Variants in TM9SF4 observed in about 807,000 individuals in gnomAD.
TM9SF4 encodes dinucleotide oxidase disulfide thiol exchanger 3 superfamily member 4.
Under a neutral mutation model 90.4 loss-of-function variants are expected in TM9SF4, and 26 were observed. The observed-to-expected ratio is 0.29, with a 90% CI of 0.21 to 0.40. The LOEUF (loss-of-function observed/expected upper bound fraction) is 0.40, where lower values mean the gene tolerates loss of function less well. Ranked by LOEUF, TM9SF4 falls within the 10% of genes least tolerant of loss-of-function variation. TM9SF4 has a pLI of 1.00. For synonymous variants in TM9SF4, 293 were observed against 315.4 expected (o/e 0.93, Z 0.75); for missense variants, 549 against 834.8 (o/e 0.66, Z 4.22).
intron 5 of TM9SF4, 93 bp from the exon 6 acceptor site, chr20:32,142,889 C>T: frequency 6.5e-7 from 1 of 1,529,378 alleles, no homozygotes; most frequent in South Asian, 1.2e-5. Flanking sequence ...AAGGTTGGTA[C>T]AACCAGGCAT....
intron 1 of TM9SF4, among the ~76,000 whole-genome samples, chr20:32,116,862 C>CTT (rs201365030): frequency 1.1e-3 from 102 of 95,872 alleles, no homozygotes; most frequent in African/African-American, 2.9e-3. Flanking sequence ...TTTCCTTTTT[C>CTT]TTTTTTTTTT....
At chr20:32,134,364 A>G (rs2046565077) in intron 2 of TM9SF4, among the ~76,000 whole-genome samples, 1 of 152,170 alleles carries the variant, frequency 6.6e-6, no homozygotes, top group Non-Finnish European at 1.5e-5. Context: ...AAGAAACACA[A>G]AATTGTTAAA....
intron 1 of TM9SF4, among the ~76,000 whole-genome samples, chr20:32,115,718 ATTTT>A (rs1419779780): frequency 8.9e-5 from 13 of 145,712 alleles, no homozygotes; most frequent in African/African-American, 3.1e-4. Context: ...TGGTTATGTG[ATTTT>A]GGGAAAACCG....
chr20:32,149,989 A>G (rs1401275776), intron 10 of TM9SF4, among the ~76,000 whole-genome samples: 1 of 152,120 alleles, frequency 6.6e-6, no homozygotes, highest in Non-Finnish European at 1.5e-5. Flanking sequence ...AGAGCCCACC[A>G]TGTCTCCTCC....
intron 17 of TM9SF4, among the ~76,000 whole-genome samples, chr20:32,164,197 T>G (rs899791625): frequency 9.5e-6 from 1 of 105,064 alleles, no homozygotes. Context: ...CCCCCACCCC[T>G]CCCCCGACCA....
intron 1 of TM9SF4, among the ~76,000 whole-genome samples, chr20:32,120,396 T>G (rs2046286453): frequency 4.9e-5 from 1 of 20,324 alleles, no homozygotes; most frequent in Non-Finnish European, 9.9e-5. Flanking sequence ...AAGTGGTGCG[T>G]TTTTTTTTTT....
intron 2 of TM9SF4, among the ~76,000 whole-genome samples, chr20:32,134,828 A>G (rs1458544174): frequency 2.6e-5 from 4 of 152,042 alleles, no homozygotes. Flanking sequence ...GCACACCACC[A>G]TGCCCAGCCG....
In TM9SF4 at chr20:32,123,866, A is replaced by ATATATATATTTTTTTTTTTTTT; in HGVS notation, c.16-9146_16-9145insATATATATTTTTTTTTTTTTTT. On this transcript the variant is annotated intron_variant, in intron 1 of 17. Coordinates refer to ENST00000398022, the MANE Select transcript of TM9SF4 (RefSeq NM_014742.4). ...CTCTCATATATATATATATATATAT[A>ATATATATATTTTTTTTTTTTTT]TTTTTTTTTTTAAAGAGATAGGGTC... Among the ~76,000 whole-genome samples the ATATATATATTTTTTTTTTTTTT allele has an allele frequency of 3.0e-4, 28 of 93,938 alleles. 1 individual carries two copies. Among genetic ancestry groups the ATATATATATTTTTTTTTTTTTT allele is most frequent in the African/African-American group, 1.2e-3 (27 of 21,966 alleles). The allele number at this position is 93,938 out of a possible 152,430, so 61.6% of individuals were successfully genotyped here. A position where few individuals can be genotyped will look rare whatever the true frequency, so the allele number is the denominator to read the frequency against.
chr20:32,157,234 T>TG (rs1158009410), intron 13 of TM9SF4, among the ~76,000 whole-genome samples: 1 of 152,196 alleles, frequency 6.6e-6, no homozygotes, highest in Non-Finnish European at 1.5e-5. Context: ...ATTACAGGCA[T>TG]GAGCCACTGC....
intron 5 of TM9SF4, 94 bp downstream of exon 5, chr20:32,141,989 C>T (rs2122408407): frequency 6.4e-7 from 1 of 1,565,026 alleles, no homozygotes; most frequent in Non-Finnish European, 8.7e-7. Flanking sequence ...TCGGCCACAG[C>T]AAGTTTCTCC....
intron 6 of TM9SF4, among the ~76,000 whole-genome samples, chr20:32,143,953 T>C (rs964260210): frequency 5.3e-5 from 8 of 151,984 alleles, no homozygotes; most frequent in African/African-American, 1.9e-4. Flanking sequence ...TTTATCTTTT[T>C]TTTTCCCCCC....
intron 1 of TM9SF4, among the ~76,000 whole-genome samples, chr20:32,125,899 G>A (rs1312093088): frequency 6.6e-6 from 1 of 151,594 alleles, no homozygotes; most frequent in African/African-American, 2.4e-5. Flanking sequence ...CAAACTCCTG[G>A]GCTCAAGCAA....
rs1600779038 is a variant in TM9SF4, at chr20:32,119,971, G to A, written c.15+10216G>A. 2.0e-5 allele frequency among the ~76,000 whole-genome samples: 3 copies of A among 152,254 alleles called. No homozygotes were observed. The East Asian group carries it at 5.8e-4, about 29-fold the overall frequency. ...TGTTGAAAATCAATTTAGTATAAATGTAAAGATTTATTTATAGACTTTTAA... is the reference window on the plus strand; with the variant it reads ...TGTTGAAAATCAATTTAGTATAAATATAAAGATTTATTTATAGACTTTTAA... On this transcript the variant is annotated intron_variant, in intron 1 of 17. Coordinates refer to ENST00000398022, the MANE Select transcript of TM9SF4 (RefSeq NM_014742.4).
chr20:32,129,300 C>G (rs1356941793), intron 1 of TM9SF4, among the ~76,000 whole-genome samples: 1 of 151,984 alleles, frequency 6.6e-6, no homozygotes, highest in African/African-American at 2.4e-5. Flanking sequence ...TGGGACCAGC[C>G]TGGGTAATAT....
rs34787841 is a variant in TM9SF4 at position 32,155,123 on chromosome 20, T to C, written c.1266T>C (p.Gly422=). 1.6e-3 allele frequency: 2,634 copies of C among 1,614,174 alleles called. 47 individuals carry two copies. In the African/African-American group the frequency reaches 0.031, roughly 19 times the overall value. The change falls in exon 13 of 18, where the codon GGT becomes GGC. Residue 422 remains glycine (G), a synonymous_variant. Transcript: ENST00000398022. The part of the protein sequence containing the change: ...GAFCTATLYP[G]VVFGICFVLN... Reference sequence around the variant, plus strand: ...TCCAGACGGCAACTCTGTACCCTGGTGTGGTTTTTGGCATCTGCTTCGTAT... The same window carrying C: ...TCCAGACGGCAACTCTGTACCCTGGCGTGGTTTTTGGCATCTGCTTCGTAT...
chr20:32,112,702 A>AC (rs576488740), intron 1 of TM9SF4, among the ~76,000 whole-genome samples: 5 of 151,348 alleles, frequency 3.3e-5, no homozygotes, highest in East Asian at 3.9e-4. Flanking sequence ...TCAAAAAAAA[A>AC]AAAAAAACAA....
At chr20:32,142,861 T>G (rs2122411566) in intron 5 of TM9SF4, 121 bp from the exon 6 acceptor site, 419 of 1,333,938 alleles carry the variant, frequency 3.1e-4, no homozygotes, top group Middle Eastern at 8.1e-4. Flanking sequence ...AGGGGAGTGA[T>G]GAGAACAGTG....
Position 32,139,478 on chromosome 20 carries a change from C to G in TM9SF4, c.230-2019C>G, listed in dbSNP as rs1028109058. The stretch of plus-strand genomic sequence containing the variant: ...TCCTTGGAGCTCCTGAATCTGTGTA[C>G]TCTTCTCTACCCTCACCAGCACCTG... On this transcript the variant is annotated intron_variant, in intron 3 of 17. Transcript: ENST00000398022. Among the ~76,000 whole-genome samples the G allele has an allele frequency of 2.6e-5, 4 of 152,140 alleles. No individual in the cohort carries two copies. The South Asian group carries it at 8.3e-4, about 32-fold the overall frequency.
chr20:32,158,037 AG>A, intron 14 of TM9SF4, 68 bp downstream of exon 14: 1 of 1,583,296 alleles, frequency 6.3e-7, no homozygotes. Context: ...CGCCACCAGA[AG>A]GGTGCGGCAA....
Sources: allele counts gnomAD v4.1 joint callset (sites outside exome capture counted in the v4.1 genomes callset), GRCh38; gene constraint gnomAD v4.1.1; transcripts MANE v1.5; gene names NCBI Gene and HGNC (gene_info 2026-07-23, HGNC 2026-07-21).